The following TTC1 variants were observed in gnomAD, a reference collection of about 807,000 sequenced individuals.
The protein encoded by TTC1 is tetratricopeptide repeat domain 1.
Under a neutral mutation model 37.6 loss-of-function variants are expected in TTC1, and 31 were observed. That is an observed-to-expected ratio of 0.82 (90% CI 0.62 to 1.11). The LOEUF (loss-of-function observed/expected upper bound fraction) is 1.11. TTC1 is among the 50% of genes most tolerant of loss of function. The probability of loss-of-function intolerance (pLI) is 0.00; values close to 1 mark genes in which losing one functional copy is unlikely to be tolerated. For missense variants in TTC1, 351 were observed against 339.0 expected (o/e 1.04, Z -0.28); for synonymous variants, 127 against 122.4 (o/e 1.04, Z -0.25).
intron 7 of TTC1, among the ~76,000 whole-genome samples, chr5:160,064,671 C>T (rs1753545559): frequency 6.6e-6 from 1 of 152,094 alleles, no homozygotes; most frequent in African/African-American, 2.4e-5. Context: ...GCTTTGATTC[C>T]CAGAGAGAGC....
At chr5:160,010,918 G>A (rs1274036424) in intron 2 of TTC1, 60 bp downstream of exon 2, 16 of 1,471,376 alleles carry the variant, frequency 1.1e-5, no homozygotes, top group East Asian at 4.6e-5. Context: ...AAATGTGGTC[G>A]ATACTGTATC....
intron 2 of TTC1, among the ~76,000 whole-genome samples, chr5:160,028,223 C>T (rs527436240): frequency 1.1e-4 from 16 of 148,574 alleles, no homozygotes; most frequent in African/African-American, 1.7e-4. Context: ...GGCGTGAACC[C>T]GGGAGGCGGA....
chr5:160,024,328 A>G (rs1756763697), intron 2 of TTC1, among the ~76,000 whole-genome samples: 1 of 152,216 alleles, frequency 6.6e-6, no homozygotes, highest in Non-Finnish European at 1.5e-5. Context: ...CTTAATTTTA[A>G]CAGCTTACAT....
At chr5:160,045,147 A>G (rs1206747172) in intron 5 of TTC1, among the ~76,000 whole-genome samples, 3 of 152,146 alleles carry the variant, frequency 2.0e-5, no homozygotes, top group African/African-American at 7.2e-5. Context: ...TCTGTAACCA[A>G]ATGGTGAAAA....
intron 7 of TTC1, among the ~76,000 whole-genome samples, chr5:160,054,303 A>C (rs1757483628): frequency 6.6e-6 from 1 of 152,222 alleles, no homozygotes; most frequent in Non-Finnish European, 1.5e-5. Flanking sequence ...ATGATTTCAC[A>C]GTTTTCTTAA....
chr5:160,056,669 G>A (rs1446003952), intron 7 of TTC1, among the ~76,000 whole-genome samples: 1 of 152,174 alleles, frequency 6.6e-6, no homozygotes, highest in East Asian at 1.9e-4. Context: ...GCTGCAGTGA[G>A]CTGTGATGGC....
At chr5:160,016,450 G>A (rs1024670594) in intron 2 of TTC1, among the ~76,000 whole-genome samples, 2 of 152,132 alleles carry the variant, frequency 1.3e-5, no homozygotes, top group Non-Finnish European at 2.9e-5. Context: ...GAAGCTGCCT[G>A]TAATATAATG....
At chr5:160,051,217 C>T (rs2113397569) in intron 7 of TTC1, 34 bp downstream of exon 7, 1 of 1,565,888 alleles carries the variant, frequency 6.4e-7, no homozygotes, top group Non-Finnish European at 8.7e-7. Context: ...TGATCATAAA[C>T]AGCTAGGAAC....
intron 4 of TTC1, among the ~76,000 whole-genome samples, chr5:160,040,210 A>AT (rs1464411245): frequency 4.6e-5 from 7 of 152,188 alleles, no homozygotes; most frequent in African/African-American, 1.7e-4. Context: ...AAAATGCAGT[A>AT]TTTTTTAAAT....
chr5:160,048,126 CTTT>C (rs56201199), intron 5 of TTC1, among the ~76,000 whole-genome samples: 253 of 35,498 alleles, frequency 7.1e-3, no homozygotes, highest in Non-Finnish European at 8.0e-3. Context: ...CAAGACATTG[CTTT>C]TTTTTTTTTT....
intron 7 of TTC1, among the ~76,000 whole-genome samples, chr5:160,060,426 G>A (rs995332075): frequency 1.8e-4 from 28 of 152,198 alleles, no homozygotes; most frequent in African/African-American, 6.5e-4. Flanking sequence ...AGCACGAGTA[G>A]TTCTGTACTC....
At chr5:160,016,867 ACTT>A (rs2113344254) in intron 2 of TTC1, among the ~76,000 whole-genome samples, 1 of 152,316 alleles carries the variant, frequency 6.6e-6, no homozygotes, top group East Asian at 1.9e-4. Flanking sequence ...AGCTAACTTC[ACTT>A]GTCCTGTGGC....
chr5:160,014,991 T>G (rs1756576350), intron 2 of TTC1, among the ~76,000 whole-genome samples: 1 of 152,152 alleles, frequency 6.6e-6, no homozygotes, highest in African/African-American at 2.4e-5. Context: ...TGTAGTGTAT[T>G]TTTTTGTTAT....
At chr5:160,052,654 T>C (rs1757436743) in intron 7 of TTC1, among the ~76,000 whole-genome samples, 1 of 151,304 alleles carries the variant, frequency 6.6e-6, no homozygotes. Context: ...AAGGCATTGG[T>C]CTCTTAGTCC....
intron 4 of TTC1, among the ~76,000 whole-genome samples, chr5:160,040,724 C>G (rs886484751): frequency 6.6e-6 from 1 of 151,862 alleles, no homozygotes; most frequent in African/African-American, 2.4e-5. Context: ...GTAGCTGGGA[C>G]TACAGACCTG....
At chr5:160,023,937 T>TTTCCTCTTCCTC in intron 2 of TTC1, 3 of 1,572,754 alleles carry the variant, frequency 1.9e-6, no homozygotes, top group Admixed American at 1.7e-5. Context: ...GCCTCTTCCT[T>TTTCCTCTTCCTC]TTCCTCTTCC....
At chr5:160,022,812 CTAATT>C (rs1398222742) in intron 2 of TTC1, among the ~76,000 whole-genome samples, 1 of 152,058 alleles carries the variant, frequency 6.6e-6, no homozygotes, top group African/African-American at 2.4e-5. Context: ...CCTTGATTTG[CTAATT>C]TTATTCAGAA....
At chr5:160,043,313 A>T (rs1188488405) in intron 5 of TTC1, 144 bp downstream of exon 5, 2 of 696,686 alleles carry the variant, frequency 2.9e-6, no homozygotes, top group East Asian at 5.6e-5. Flanking sequence ...TTTCAAAGAT[A>T]CTATATAATA....
intron 5 of TTC1, among the ~76,000 whole-genome samples, chr5:160,045,548 T>TCTCTCC (rs1343470202): frequency 7.2e-5 from 9 of 125,738 alleles, no homozygotes; most frequent in Middle Eastern, 3.9e-3. Context: ...TCTCTCTCTC[T>TCTCTCC]CTCTCCCCCT....
Sources: gnomAD v4.1 joint callset for allele counts (sites outside exome capture counted in the v4.1 genomes callset) on GRCh38, gnomAD v4.1.1 for gene constraint, MANE v1.5 for transcripts, NCBI Gene and HGNC (gene_info 2026-07-23, HGNC 2026-07-21) for gene names.